The following AMZ1 variants were observed in gnomAD, a reference collection of about 807,000 sequenced individuals.
The protein encoded by AMZ1 is archaemetzincin-1.
A neutral mutation model predicts 29.9 loss-of-function variants in AMZ1; 39 were observed. The observed-to-expected ratio is 1.30, with a 90% confidence interval of 1.01 to 1.70. The LOEUF (loss-of-function observed/expected upper bound fraction) is 1.70, where lower values mean the gene tolerates loss of function less well. Ranked by LOEUF, AMZ1 falls within the 40% of genes most tolerant of loss-of-function variation. The pLI is 0.00. For synonymous variants in AMZ1, 458 were observed against 304.0 expected (o/e 1.51, Z -5.27); for missense variants, 1,041 against 680.6 (o/e 1.53, Z -5.89).
upstream of AMZ1, among the ~76,000 whole-genome samples, chr7:2,685,270 C>T (rs1787034972): frequency 6.6e-6 from 1 of 151,656 alleles, no homozygotes; most frequent in African/African-American, 2.4e-5. Flanking sequence ...TAGGACAGAA[C>T]ATTCAGGCCA....
rs377323696 is a variant in AMZ1 at position 2,709,252 on chromosome 7, G to A, written c.771+8G>A. The A allele has an allele frequency of 2.1e-5, 32 of 1,489,344 alleles. No homozygotes were observed. The African/African-American group carries it at 3.4e-4, about 16-fold the overall frequency. The allele number at this position is 1,489,344 out of a possible 1,614,324, so 92.3% of individuals were successfully genotyped here. ...ATGGTTCAGTGCTGCAAGGTGGGTG[G>A]GGGCTCTGGGGCTGGTAAGAGGGGA... On this transcript the variant is annotated splice_region_variant and intron_variant, in intron 5 of 6. Transcript: ENST00000683327.
chr7:2,760,997 G>T (rs1405357366), upstream of AMZ1, among the ~76,000 whole-genome samples: 2 of 152,218 alleles, frequency 1.3e-5, no homozygotes, highest in African/African-American at 4.8e-5. Context: ...AGTCCTCACA[G>T]TTCATGGGTA....
At chr7:2,726,107 A>C (rs543088318) in intron 4 of AMZ1, among the ~76,000 whole-genome samples, 4 of 152,244 alleles carry the variant, frequency 2.6e-5, no homozygotes, top group Non-Finnish European at 5.9e-5. Context: ...CATTTCGGAA[A>C]GAGACTGCTA....
upstream of AMZ1, chr7:2,760,450 G>C (rs1052233089): frequency 1.3e-5 from 2 of 152,474 alleles, no homozygotes; most frequent in African/African-American, 4.8e-5. Flanking sequence ...GCTGTGGTAA[G>C]CACCTGAGAA....
At chr7:2,701,783 C>T (rs1788068386) in intron 2 of AMZ1, among the ~76,000 whole-genome samples, 1 of 152,236 alleles carries the variant, frequency 6.6e-6, no homozygotes, top group Admixed American at 6.5e-5. Context: ...GGCTTGTCAC[C>T]AGCCCTGGTG....
chr7:2,725,566 T>G (rs1033462332), intron 4 of AMZ1, among the ~76,000 whole-genome samples: 2 of 152,222 alleles, frequency 1.3e-5, no homozygotes, highest in Admixed American at 6.5e-5. Context: ...CAGGTCTCAG[T>G]GACCTGAAGA....
At chr7:2,690,074 G>T (rs1247855931) in intron 1 of AMZ1, among the ~76,000 whole-genome samples, 1 of 152,200 alleles carries the variant, frequency 6.6e-6, no homozygotes, top group Non-Finnish European at 1.5e-5. Flanking sequence ...GTGGGCAGAC[G>T]TCATGCCCTG....
chr7:2,730,325 G>C (rs1789822286), intron 4 of AMZ1: 1 of 152,498 alleles, frequency 6.6e-6, no homozygotes, highest in Non-Finnish European at 1.5e-5. Flanking sequence ...TTTGCCGTTG[G>C]GTTGGGCAGT....
chr7:2,709,851 A>G lies in AMZ1; in HGVS notation c.948+35A>G, dbSNP rs1450941736. 2.5e-6 allele frequency: 4 copies of G among 1,604,778 alleles called. No homozygotes were observed. The South Asian group carries it at 4.5e-5, about 18-fold the overall frequency. ...TGAGTTGCGCTGCCCGGCTGCTGGG[A>G]CCTGCGCTCCGGAGGCCCGCGAGCG... On this transcript the variant is annotated intron_variant, in intron 6 of 6. Transcript: ENST00000683327.
At position 2,719,683 on chromosome 7, in the gene AMZ1, A is replaced by G. The variant is rs1055368573; in HGVS notation, c.*6805A>G. Among the ~76,000 whole-genome samples the G allele has an allele frequency of 2.7e-5, 4 of 147,328 alleles. No individual in the cohort carries two copies. The highest frequency in any genetic ancestry group is 2.7e-4 in the Admixed American group (4 of 14,872). On this transcript the variant is annotated 3_prime_UTR_variant, in exon 7 of 7. Coordinates refer to ENST00000683327, the MANE Select transcript of AMZ1 (RefSeq NM_001384743.1). ...AAATTAATAAATGCTATCAACCCCAATTTTTTTTTTTTTTGAGATGGAGTT... is the reference window on the plus strand; with the variant it reads ...AAATTAATAAATGCTATCAACCCCAGTTTTTTTTTTTTTTGAGATGGAGTT...
At position 2,731,560 on chromosome 7, in the gene AMZ1, T is replaced by G; in HGVS notation, n.550+21744T>G. On this transcript the variant is annotated intron_variant and non_coding_transcript_variant, in intron 4 of 4. Transcript: ENST00000489665. The surrounding 1 kb of genome is among the most constrained non-coding windows in gnomAD (Gnocchi z 6.0). ...GTCCTCCATGAGGACCTGGTCGTAC[T>G]CGCTGGAGGAGACCATGAACAGGAT... The G allele has an allele frequency of 6.2e-7, 1 of 1,610,736 alleles. No individual in the cohort carries two copies. The highest frequency in any genetic ancestry group is 2.2e-5 in the East Asian group (1 of 44,798).
rs534351045 is a variant in AMZ1, at chr7:2,753,452, G to A, written n.551-11260G>A. On this transcript the variant is annotated intron_variant and non_coding_transcript_variant, in intron 4 of 4. Transcript: ENST00000489665. ...TGCACCTGGCAGCATGTGGCCTTTG[G>A]AAGTTGGCTTTTTTCACTCAACATA... 5.9e-5 allele frequency among the ~76,000 whole-genome samples: 9 copies of A among 152,292 alleles called. No homozygotes were observed. The South Asian group carries it at 8.3e-4, about 14-fold the overall frequency.
intron 3 of AMZ1, among the ~76,000 whole-genome samples, chr7:2,703,137 C>T (rs915638890): frequency 3.3e-5 from 5 of 152,188 alleles, no homozygotes; most frequent in African/African-American, 7.2e-5. Flanking sequence ...GCAGGAGAAG[C>T]GAGCCCTTCT....
downstream of AMZ1, among the ~76,000 whole-genome samples, chr7:2,720,032 G>A (rs1374259402): frequency 6.6e-6 from 1 of 152,218 alleles, no homozygotes; most frequent in African/African-American, 2.4e-5. Context: ...AATTCTGGAA[G>A]GCTAAATGAA....
Position 2,712,839 on chromosome 7 carries a change from A to G in AMZ1, c.1458A>G (p.Ala486=), listed in dbSNP as rs778468918. 2.0e-6 allele frequency: 3 copies of G among 1,529,890 alleles called. No homozygotes were observed. Among genetic ancestry groups the G allele is most frequent in the Admixed American group, 2.1e-5 (1 of 48,588 alleles). The allele number at this position is 1,529,890 out of a possible 1,614,324, so 94.8% of individuals were successfully genotyped here. The change falls in exon 7 of 7, where the codon GCA becomes GCG. Residue 486 remains alanine (A), a synonymous_variant. Coordinates refer to ENST00000683327, the MANE Select transcript of AMZ1 (RefSeq NM_001384743.1). ...TGAGTGCCCGAAAACTCGCCAGAGC[A>G]GAGTCGGCCCCCCGTCCCTGGGATG... ...RKLSARKLAR[A]ESAPRPWDGE...
rs1167428387 is a variant in AMZ1, at chr7:2,716,169, G to C, written c.*3291G>C. 6.6e-6 allele frequency: 1 copy of C among 152,246 alleles called. No individual in the cohort carries two copies. Among genetic ancestry groups the C allele is most frequent in the Non-Finnish European group, 1.5e-5 (1 of 68,064 alleles). 9.4% of individuals were successfully genotyped at this position (152,246 alleles called of 1,614,324 possible). A position where few individuals can be genotyped will look rare whatever the true frequency, so the allele number is the denominator to read the frequency against. Reference sequence around the variant, plus strand: ...TAACACATGCCTTCTGAAGTGGCTAGAATACACACTCCCACGTCACAGCCA... The same window carrying C: ...TAACACATGCCTTCTGAAGTGGCTACAATACACACTCCCACGTCACAGCCA... On this transcript the variant is annotated 3_prime_UTR_variant, in exon 7 of 7. Transcript: ENST00000683327.
chr7:2,685,983 A>G (rs1024783052), upstream of AMZ1, among the ~76,000 whole-genome samples: 1 of 152,230 alleles, frequency 6.6e-6, no homozygotes, highest in Non-Finnish European at 1.5e-5. Context: ...CTGAGTCACA[A>G]TCTATTTGTA....
At chr7:2,692,328 C>G (rs1484389484) in intron 1 of AMZ1, among the ~76,000 whole-genome samples, 1 of 152,102 alleles carries the variant, frequency 6.6e-6, no homozygotes, top group East Asian at 1.9e-4. Context: ...ATCATGAGGT[C>G]AGGAGATCGA....
At chr7:2,764,244 CTTTT>C (rs35992308), upstream of AMZ1, among the ~76,000 whole-genome samples, 7 of 139,338 alleles carry the variant, frequency 5.0e-5, no homozygotes, top group South Asian at 4.7e-4. Flanking sequence ...CAGCTAATTT[CTTTT>C]TTTTTTTTTT....
Sources: gnomAD v4.1 joint callset for allele counts (sites outside exome capture counted in the v4.1 genomes callset) on GRCh38, gnomAD v4.1.1 for gene constraint, Gnocchi (gnomAD v3.1) non-coding constraint, MANE v1.5 for transcripts, NCBI Gene and HGNC (gene_info 2026-07-23, HGNC 2026-07-21) for gene names.